The following FKBP2 variants were observed in gnomAD, a reference collection of about 807,000 sequenced individuals.
The protein encoded by FKBP2 is FKBP prolyl isomerase 2.
Under a neutral mutation model 19.4 loss-of-function variants are expected in FKBP2, and 15 were observed. The ratio of observed to expected loss-of-function variants is 0.77; its 90% confidence interval spans 0.52 to 1.19. The LOEUF (loss-of-function observed/expected upper bound fraction) is 1.19, where lower values mean the gene tolerates loss of function less well. Ranked by LOEUF, FKBP2 falls within the 50% of genes most tolerant of loss-of-function variation. The pLI is 0.00. For missense variants in FKBP2, 170 were observed against 179.0 expected (o/e 0.95, Z 0.29); for synonymous variants, 76 against 74.8 (o/e 1.02, Z -0.08).
rs756218134 is a variant in FKBP2, at chr11:64,243,982, G to C, written c.382G>C (p.Val128Leu). The change falls in exon 6 of 6, where the codon GTG becomes CTG. Residue 128 changes from valine to leucine, a missense_variant. Physicochemically the swap from Val to Leu is conservative, Grantham distance 32. Coordinates refer to ENST00000309366, the MANE Select transcript of FKBP2 (RefSeq NM_004470.4). Reference sequence around the variant, plus strand: ...CTCCCCTACAGGTGGTGCAACCCTGGTGTTCGAGGTGGAGCTGCTCAAAAT... The same window carrying C: ...CTCCCCTACAGGTGGTGCAACCCTGCTGTTCGAGGTGGAGCTGCTCAAAAT... ...PPKIPGGATL[V>L]FEVELLKIER... 5.6e-6 allele frequency: 9 copies of C among 1,613,904 alleles called. No homozygotes were observed. In the Middle Eastern group the frequency reaches 8.2e-4, roughly 147 times the overall value.
chr11:64,242,636 A>T, intron 2 of FKBP2, 78 bp downstream of exon 2: 2 of 1,445,726 alleles, frequency 1.4e-6, no homozygotes, highest in Non-Finnish European at 1.8e-6. Context: ...CTGGTTCTCC[A>T]TAAGCCAGGT....
chr11:64,243,562 G>C, intron 4 of FKBP2, 65 bp downstream of exon 4: 2 of 1,583,678 alleles, frequency 1.3e-6, no homozygotes, highest in Non-Finnish European at 1.7e-6. Context: ...GGTGAAAGCT[G>C]CTTCAGCTTT....
intron 2 of FKBP2, 100 bp downstream of exon 2, chr11:64,242,658 G>C (rs1322156008): frequency 1.5e-6 from 2 of 1,313,036 alleles, no homozygotes; most frequent in Non-Finnish European, 2.0e-6. Flanking sequence ...GGTGACCTTG[G>C]GCAAGTCCCC....
At chr11:64,241,545 T>C (rs964158067) in intron 1 of FKBP2, 1 of 152,406 alleles carries the variant, frequency 6.6e-6, no homozygotes, top group African/African-American at 2.4e-5. Context: ...GTGAGTGGCG[T>C]GGCTACGGCT....
intron 4 of FKBP2, 33 bp downstream of exon 4, chr11:64,243,530 T>G: frequency 6.2e-7 from 1 of 1,612,060 alleles, no homozygotes; most frequent in Non-Finnish European, 8.5e-7. Context: ...GCAGAGCGAG[T>G]TTGGGGTGTG....
chr11:64,242,737 GCAGTGA>G (rs1278085837), intron 2 of FKBP2, among the ~76,000 whole-genome samples, 179 bp downstream of exon 2: 2 of 152,174 alleles, frequency 1.3e-5, no homozygotes, highest in Non-Finnish European at 2.9e-5. Context: ...GCACCAGCAG[GCAGTGA>G]CAGTGTACTG....
At position 64,242,514 on chromosome 11, in the gene FKBP2, C is replaced by A. The variant is rs746460831; in HGVS notation, c.127C>A (p.Pro43Thr). 3.2e-5 allele frequency: 49 copies of A among 1,553,190 alleles called. No homozygotes were observed. In the Middle Eastern group the frequency reaches 5.1e-4, roughly 16 times the overall value. ...GGTCAAGAAGCGGGTGGACCACTGT[C>A]CCATCAAATCGCGCAAAGGGGATGT... ...IGVKKRVDHC[P>T]IKSRKGDVLH... Residue 43 changes from proline (P) to threonine (T), a missense_variant, in exon 2 of 6, where the codon CCC (proline) becomes ACC (threonine). Coordinates refer to ENST00000309366, the MANE Select transcript of FKBP2 (RefSeq NM_004470.4).
At chr11:64,243,766 CG>C (rs893497365) in intron 4 of FKBP2, 74 bp from the exon 5 acceptor site, 26 of 1,580,786 alleles carry the variant, frequency 1.6e-5, no homozygotes, top group Non-Finnish European at 2.2e-5. Context: ...CTGAGAGGGG[CG>C]GAACACTCTC....
At position 64,243,457 on chromosome 11, in the gene FKBP2, T is replaced by C. The variant is rs767233532; in HGVS notation, c.291T>C (p.Cys97=). 6.2e-7 allele frequency: 1 copy of C among 1,613,988 alleles called. No individual in the cohort carries two copies. Among genetic ancestry groups the C allele is most frequent in the South Asian group, 1.1e-5 (1 of 91,072 alleles). The change falls in exon 4 of 6, where the codon TGT becomes TGC. Residue 97 remains cysteine (C), a synonymous_variant. Transcript: ENST00000309366. The part of the protein sequence containing the change: ...KGWDQGLLGM[C]EGEKRKLVIP... Reference sequence around the variant, plus strand: ...AGCATGTGTCTTCCTGCAGGATGTGTGAGGGGGAAAAGCGCAAGCTGGTGA... The same window carrying C: ...AGCATGTGTCTTCCTGCAGGATGTGCGAGGGGGAAAAGCGCAAGCTGGTGA...
intron 3 of FKBP2, 47 bp from the exon 4 acceptor site, chr11:64,243,404 C>T (rs1442324359): frequency 3.7e-6 from 6 of 1,612,212 alleles, no homozygotes; most frequent in Non-Finnish European, 5.1e-6. Context: ...GGATACAAGA[C>T]AAGGGCCCTG....
In FKBP2 at chr11:64,243,321, G is replaced by A; in HGVS notation, c.284+10G>A. ...ACCAGGGGCTGCTGGGGTGAGTCAT[G>A]GGGGAATGGGCTTGGGAGTGGGGGC... On this transcript the variant is annotated intron_variant, in intron 3 of 5. Coordinates refer to ENST00000309366, the MANE Select transcript of FKBP2 (RefSeq NM_004470.4). The A allele has an allele frequency of 6.2e-7, 1 of 1,600,874 alleles. No individual in the cohort carries two copies. Among genetic ancestry groups the A allele is most frequent in the African/African-American group, 1.3e-5 (1 of 74,900 alleles).
At chr11:64,242,640 G>A in intron 2 of FKBP2, 82 bp downstream of exon 2, 2 of 1,432,604 alleles carry the variant, frequency 1.4e-6, no homozygotes, top group Non-Finnish European at 1.9e-6. Flanking sequence ...TTCTCCATAA[G>A]CCAGGTAGGT....
At chr11:64,242,309 T>A in intron 1 of FKBP2, 75 bp from the exon 2 acceptor site, 1 of 1,372,298 alleles carries the variant, frequency 7.3e-7, no homozygotes, top group Non-Finnish European at 9.6e-7. Context: ...GGAACCCTCC[T>A]GTTACCTACC....
In FKBP2 at chr11:64,243,826, G is replaced by T; in HGVS notation, c.332-15G>T. Reference sequence around the variant, plus strand: ...CTTGGCCATCACTGACTGTTTCTTTGTGCATCTTCAACAGGGTATGGAGAG... The same window carrying T: ...CTTGGCCATCACTGACTGTTTCTTTTTGCATCTTCAACAGGGTATGGAGAG... On this transcript the variant is annotated splice_polypyrimidine_tract_variant and intron_variant, in intron 4 of 5. Coordinates refer to ENST00000309366, the MANE Select transcript of FKBP2 (RefSeq NM_004470.4). 1 of 1,613,930 alleles carries T rather than the reference G, an allele frequency of 6.2e-7. No homozygotes were observed. The highest frequency in any genetic ancestry group is 8.5e-7 in the Non-Finnish European group (1 of 1,179,872).
At position 64,244,095 on chromosome 11, in the gene FKBP2, A is replaced by G; in HGVS notation, c.*66A>G. ...ACCAGACTGTTCCAAAAAAAAAACA[A>G]AAAACAAAAACAAACAAAAAAACAC... On this transcript the variant is annotated 3_prime_UTR_variant, in exon 6 of 6. Coordinates refer to ENST00000309366, the MANE Select transcript of FKBP2 (RefSeq NM_004470.4). 1.3e-6 allele frequency: 2 copies of G among 1,549,042 alleles called. No individual in the cohort carries two copies. The highest frequency in any genetic ancestry group is 1.8e-6 in the Non-Finnish European group (2 of 1,133,624).
intron 2 of FKBP2, 50 bp from the exon 3 acceptor site, chr11:64,243,149 G>T: frequency 6.6e-7 from 1 of 1,522,206 alleles, no homozygotes; most frequent in Non-Finnish European, 9.1e-7. Flanking sequence ...GAGGGAGGGG[G>T]TGTCAGGGGT....
chr11:64,244,105 A>G lies in FKBP2; in HGVS notation c.*76A>G, dbSNP rs2030751599. 13 of 1,529,368 alleles carry G rather than the reference A, an allele frequency of 8.5e-6. No individual in the cohort carries two copies. Among genetic ancestry groups the G allele is most frequent in the Admixed American group, 5.4e-5 (3 of 55,428 alleles). 94.7% of individuals were successfully genotyped at this position (1,529,368 alleles called of 1,614,324 possible). On this transcript the variant is annotated 3_prime_UTR_variant, in exon 6 of 6. Transcript: ENST00000309366. The stretch of plus-strand genomic sequence containing the variant: ...TCCAAAAAAAAAACAAAAAACAAAA[A>G]CAAACAAAAAAACACTTAAAAGCCC...
chr11:64,243,491 G>C lies in FKBP2; in HGVS notation c.325G>C (p.Glu109Gln), dbSNP rs752496195. Residue 109 changes from glutamate (E) to glutamine (Q), a missense_variant, in exon 4 of 6, where the codon GAG (glutamate) becomes CAG (glutamine). Glu to Gln is a conservative substitution (Grantham distance 29). Coordinates refer to ENST00000309366, the MANE Select transcript of FKBP2 (RefSeq NM_004470.4). ...GEKRKLVIPS[E>Q]LGYGERGAPP... ...AAAGCGCAAGCTGGTGATCCCATCC[G>C]AGCTAGGTAAGAGGCCCCTCCTGAG... The C allele has an allele frequency of 1.9e-6, 3 of 1,613,678 alleles. No individual in the cohort carries two copies. The highest frequency in any genetic ancestry group is 1.7e-5 in the Admixed American group (1 of 60,008).
intron 1 of FKBP2, chr11:64,241,941 C>G (rs564760346): frequency 6.4e-6 from 1 of 155,378 alleles, no homozygotes; most frequent in East Asian, 1.9e-4. Flanking sequence ...GGCCGGCCCC[C>G]TGCAGCGGCC....
Sources: allele counts gnomAD v4.1 joint callset (sites outside exome capture counted in the v4.1 genomes callset), GRCh38; gene constraint gnomAD v4.1.1; transcripts MANE v1.5; gene names NCBI Gene and HGNC (gene_info 2026-07-23, HGNC 2026-07-21).